The following DNAH8 variants were observed in gnomAD, a reference collection of about 807,000 sequenced individuals.
The protein encoded by DNAH8 is dynein axonemal heavy chain 8.
DNAH8 carries 382 observed loss-of-function variants against 562.1 expected under a neutral mutation model. That is an observed-to-expected ratio of 0.68 (90% CI 0.63 to 0.74). The LOEUF is 0.74. Among genes scored for constraint, DNAH8 ranks in the 30% least tolerant of loss-of-function variants. The pLI is 0.00. For synonymous variants in DNAH8, 1,881 were observed against 1,919.4 expected (o/e 0.98, Z 0.52); for missense variants, 5,203 against 5,620.4 (o/e 0.93, Z 2.37).
At chr6:38,884,243 G>T (rs1187157916) in intron 56 of DNAH8, among the ~76,000 whole-genome samples, 2 of 151,832 alleles carry the variant, frequency 1.3e-5, no homozygotes, top group African/African-American at 4.8e-5. Flanking sequence ...CAACATGCAG[G>T]TTTGTTACAT....
intron 11 of DNAH8, 22 bp from the exon 12 acceptor site, chr6:38,770,378 CTTTCTTTTCCCTA>C: frequency 7.0e-7 from 1 of 1,433,682 alleles, no homozygotes; most frequent in East Asian, 2.3e-5. Context: ...AAATGTCTCA[CTTTCTTTTCCCTA>C]TTTCTTTTAC....
At chr6:38,905,502 A>G (rs779085666) in intron 62 of DNAH8, among the ~76,000 whole-genome samples, 8 of 152,192 alleles carry the variant, frequency 5.3e-5, no homozygotes, top group Non-Finnish European at 1.0e-4. Flanking sequence ...AATTGCCACT[A>G]TATACAATTT....
At chr6:38,747,542 A>AT (rs1765057902) in intron 8 of DNAH8, among the ~76,000 whole-genome samples, 1 of 152,038 alleles carries the variant, frequency 6.6e-6, no homozygotes, top group South Asian at 2.1e-4. Flanking sequence ...ACATGCCACC[A>AT]TACCCAGCTA....
Position 38,875,790 on chromosome 6 carries a change from C to G in DNAH8, c.7820C>G (p.Ser2607Ter), listed in dbSNP as rs907314611. The change falls in exon 53 of 93, where the codon TCA becomes TGA. Residue 2607 changes from serine to a stop codon, truncating the protein, a stop_gained. Coordinates refer to ENST00000327475, the MANE Select transcript of DNAH8 (RefSeq NM_001206927.2). LOFTEE classifies it high-confidence loss of function. ...GACTTACCAGAAATACCTAAAGGCT[C>G]AAATCAAACCATGTATGAGTTTTAT... ...KLDLPEIPKG[S>*]NQTMYEFYVT... 1.2e-6 allele frequency: 2 copies of G among 1,613,600 alleles called. No individual in the cohort carries two copies. Among genetic ancestry groups the G allele is most frequent in the Non-Finnish European group, 1.7e-6 (2 of 1,179,784 alleles).
At chr6:38,844,740 C>A (rs886974034) in intron 35 of DNAH8, among the ~76,000 whole-genome samples, 12 of 152,100 alleles carry the variant, frequency 7.9e-5, no homozygotes, top group Non-Finnish European at 1.6e-4. Flanking sequence ...AAATTAGATT[C>A]CTGCTGTTAC....
intron 49 of DNAH8, among the ~76,000 whole-genome samples, chr6:38,871,146 G>A (rs1374213483): frequency 6.6e-6 from 1 of 152,162 alleles, no homozygotes; most frequent in African/African-American, 2.4e-5. Context: ...GATGCTTTGG[G>A]AATATTTTCC....
At chr6:38,794,382 G>GTTTC (rs1471163040) in intron 21 of DNAH8, among the ~76,000 whole-genome samples, 1 of 151,166 alleles carries the variant, frequency 6.6e-6, no homozygotes, top group Non-Finnish European at 1.5e-5. Context: ...TTTTATTTTA[G>GTTTC]TTTCTATGCT....
chr6:38,967,595 A>C (rs975276613), intron 82 of DNAH8, among the ~76,000 whole-genome samples: 8 of 152,142 alleles, frequency 5.3e-5, no homozygotes, highest in Non-Finnish European at 1.0e-4. Context: ...AGATTTGTAC[A>C]TTGAAAACTA....
Position 38,723,445 on chromosome 6 carries a change from G to C in DNAH8, c.499G>C (p.Glu167Gln). 1 of 1,609,288 alleles carries C rather than the reference G, an allele frequency of 6.2e-7. No individual in the cohort carries two copies. The highest frequency in any genetic ancestry group is 8.5e-7 in the Non-Finnish European group (1 of 1,179,192). The change falls in exon 3 of 93, where the codon GAA becomes CAA. Residue 167 changes from glutamate to glutamine, a missense_variant. Around this residue, in one of 6 missense-constraint regions of DNAH8, gnomAD observed 556 missense variants for 496.9 expected, o/e 1.12. Coordinates refer to ENST00000327475, the MANE Select transcript of DNAH8 (RefSeq NM_001206927.2). ...TCTTGGCCTGGACATAGTAACTGTT[G>C]AAGAATTAATTTTGGATTGCCCATC... Reference protein sequence around the residue: ...ENLGLDIVTVEELILDCPSLE... With the variant: ...ENLGLDIVTVQELILDCPSLE...
At chr6:38,726,196 A>G (rs1191834022) in intron 3 of DNAH8, among the ~76,000 whole-genome samples, 1 of 152,214 alleles carries the variant, frequency 6.6e-6, no homozygotes, top group African/African-American at 2.4e-5. Flanking sequence ...ACAGATTTGG[A>G]TAACACCACA....
chr6:38,951,367 G>C lies in DNAH8; in HGVS notation c.12298G>C (p.Asp4100His). 6.2e-7 allele frequency: 1 copy of C among 1,614,172 alleles called. No homozygotes were observed. Among genetic ancestry groups the C allele is most frequent in the East Asian group, 2.2e-5 (1 of 44,880 alleles). Residue 4100 changes from aspartate to histidine, a missense_variant, in exon 82 of 93, where the codon GAT becomes CAT. Transcript: ENST00000327475. Reference protein sequence around the residue: ...TVFQARKYIADSLEEKYTEPV... With the variant: ...TVFQARKYIAHSLEEKYTEPV... ...TTTTCAAGCAAGAAAGTATATTGCA[G>C]ATTCTTTGGAGGAGAAGTACACAGA...
chr6:38,984,094 G>T, intron 86 of DNAH8, 112 bp from the exon 87 acceptor site: 1 of 603,652 alleles, frequency 1.7e-6, no homozygotes, highest in Non-Finnish European at 3.0e-6. Context: ...TTTTAAATGT[G>T]AGTCTAGTGA....
At chr6:38,932,413 C>G (rs1241389898) in intron 76 of DNAH8, among the ~76,000 whole-genome samples, 3 of 152,020 alleles carry the variant, frequency 2.0e-5, no homozygotes, top group Admixed American at 6.6e-5. Flanking sequence ...GGGAGCCATA[C>G]CTTTATTTTT....
chr6:39,026,482 C>CTTCCTTCTT, intron 91 of DNAH8, 64 bp from the exon 92 acceptor site: 1 of 1,513,032 alleles, frequency 6.6e-7, no homozygotes, highest in Non-Finnish European at 9.0e-7. Context: ...CTTAACATTG[C>CTTCCTTCTT]TTCCTTCTTG....
chr6:38,902,615 G>A lies in DNAH8; in HGVS notation c.9194+2709G>A, dbSNP rs1470474970. On this transcript the variant is annotated intron_variant, in intron 62 of 92. Coordinates refer to ENST00000327475, the MANE Select transcript of DNAH8 (RefSeq NM_001206927.2). ...GCATGTCAAGCCCCCTTCTGTTTCT[G>A]GGGATCCTTGAGTATAAACATCTTG... Among the ~76,000 whole-genome samples the A allele has an allele frequency of 2.6e-5, 4 of 152,138 alleles. No homozygotes were observed. The East Asian group carries it at 7.7e-4, about 29-fold the overall frequency.
chr6:38,904,066 C>G (rs1014226438), intron 62 of DNAH8, among the ~76,000 whole-genome samples: 2 of 152,156 alleles, frequency 1.3e-5, no homozygotes, highest in Non-Finnish European at 2.9e-5. Context: ...GAATGGGCCA[C>G]TGTAATCTTT....
At chr6:38,966,662 A>T (rs145839293) in intron 82 of DNAH8, among the ~76,000 whole-genome samples, 11 of 152,342 alleles carry the variant, frequency 7.2e-5, no homozygotes, top group Non-Finnish European at 1.5e-4. Flanking sequence ...CAGGAGTATG[A>T]GATTGGTTAA....
intron 92 of DNAH8, among the ~76,000 whole-genome samples, chr6:39,029,044 G>T (rs1216794483): frequency 6.6e-6 from 1 of 152,162 alleles, no homozygotes; most frequent in East Asian, 1.9e-4. Flanking sequence ...GAGCTGGCAT[G>T]ATTGTTGGAG....
At chr6:38,907,847 A>G (rs1405270668) in intron 63 of DNAH8, 109 bp from the exon 64 acceptor site, 1 of 992,098 alleles carries the variant, frequency 1.0e-6, no homozygotes, top group Non-Finnish European at 1.4e-6. Flanking sequence ...GCTGAAAGAA[A>G]ATATGAAACA....
Sources: allele counts gnomAD v4.1 joint callset (sites outside exome capture counted in the v4.1 genomes callset), GRCh38; gene constraint gnomAD v4.1.1; regional missense constraint gnomAD v4.1.1; transcripts MANE v1.5; gene names NCBI Gene and HGNC (gene_info 2026-07-23, HGNC 2026-07-21).